TEAD1: variants seen among roughly 807,000 people sequenced by gnomAD.
TEAD1 encodes the protein TEA domain transcription factor 1.
A neutral mutation model predicts 54.9 loss-of-function variants in TEAD1; 9 were observed. The ratio of observed to expected loss-of-function variants is 0.16; its 90% CI spans 0.10 to 0.29. The LOEUF (loss-of-function observed/expected upper bound fraction) is 0.29, where lower values mean the gene tolerates loss of function less well. Ranked by LOEUF, TEAD1 falls within the 10% of genes least tolerant of loss-of-function variation. TEAD1 has a pLI of 1.00. For synonymous variants in TEAD1, 200 were observed against 187.8 expected (o/e 1.07, Z -0.53); for missense variants, 387 against 535.9 (o/e 0.72, Z 2.74).
At chr11:12,872,615 A>G (rs1174705303) in intron 5 of TEAD1, among the ~76,000 whole-genome samples, 3 of 152,246 alleles carry the variant, frequency 2.0e-5, no homozygotes, top group African/African-American at 4.8e-5. Context: ...ATATGTAGAT[A>G]AAGATAATTC....
At chr11:12,715,585 G>T (rs745779217) in intron 2 of TEAD1, among the ~76,000 whole-genome samples, 1 of 152,134 alleles carries the variant, frequency 6.6e-6, no homozygotes, top group South Asian at 2.1e-4. Context: ...TGATGCAGAC[G>T]GGGCTGCTGG....
At chr11:12,780,411 G>A (rs896012050) in intron 3 of TEAD1, among the ~76,000 whole-genome samples, 2 of 151,854 alleles carry the variant, frequency 1.3e-5, no homozygotes, top group Admixed American at 6.6e-5. Flanking sequence ...ACCCAGCTAA[G>A]TTTTGTATTT....
rs372567524 is a variant in TEAD1 at position 12,805,268 on chromosome 11, A to G, written c.202+40834A>G. Among the ~76,000 whole-genome samples, 24 of 152,324 alleles carry G rather than the reference A, an allele frequency of 1.6e-4. No homozygotes were observed. The East Asian group carries it at 3.1e-3, about 20-fold the overall frequency. The stretch of plus-strand genomic sequence containing the variant: ...AAGGAAGATGTATATCACAATGAAC[A>G]TGCCTGCTTTATATTGTTTATTTAT... On this transcript the variant is annotated intron_variant, in intron 3 of 12. Transcript: ENST00000527636.
At chr11:12,704,739 C>G (rs1413535514) in intron 2 of TEAD1, among the ~76,000 whole-genome samples, 1 of 152,204 alleles carries the variant, frequency 6.6e-6, no homozygotes. Flanking sequence ...CAGAAGCTCT[C>G]AAAGTGTGCT....
chr11:12,730,871 T>C (rs556875724), intron 2 of TEAD1, among the ~76,000 whole-genome samples: 141 of 151,732 alleles, frequency 9.3e-4, no homozygotes, highest in African/African-American at 3.2e-3. Context: ...CGGCTAATTT[T>C]AGTATTTTTT....
intron 2 of TEAD1, among the ~76,000 whole-genome samples, chr11:12,685,088 T>G (rs1019604519): frequency 2.6e-5 from 4 of 152,200 alleles, no homozygotes; most frequent in African/African-American, 9.7e-5. Context: ...TCTGGGCCAC[T>G]CCTGGTGACT....
intron 3 of TEAD1, among the ~76,000 whole-genome samples, chr11:12,807,607 A>T (rs755284317): frequency 3.3e-5 from 5 of 152,252 alleles, no homozygotes; most frequent in Non-Finnish European, 5.9e-5. Context: ...TTAACATTCA[A>T]TAAATGCAAA....
At chr11:12,827,215 C>T (rs1350358131) in intron 3 of TEAD1, among the ~76,000 whole-genome samples, 3 of 152,186 alleles carry the variant, frequency 2.0e-5, no homozygotes, top group Admixed American at 6.5e-5. Flanking sequence ...CCTGAACTTA[C>T]ATATCCTGAC....
At chr11:12,903,836 G>A (rs1948465959) in intron 10 of TEAD1, among the ~76,000 whole-genome samples, 1 of 152,162 alleles carries the variant, frequency 6.6e-6, no homozygotes, top group Admixed American at 6.5e-5. Flanking sequence ...TTGGATAGTA[G>A]ATGTAGCCTT....
At chr11:12,932,743 G>A (rs1005644864) in intron 12 of TEAD1, among the ~76,000 whole-genome samples, 12 of 152,066 alleles carry the variant, frequency 7.9e-5, no homozygotes, top group Non-Finnish European at 1.5e-4. Flanking sequence ...TAAGTGTACA[G>A]TACAAAAGTT....
chr11:12,797,687 A>G (rs909605903), intron 3 of TEAD1, among the ~76,000 whole-genome samples: 6 of 151,562 alleles, frequency 4.0e-5, no homozygotes, highest in African/African-American at 9.7e-5. Flanking sequence ...TTACTGTCCT[A>G]TCTGTGCAGA....
intron 9 of TEAD1, among the ~76,000 whole-genome samples, chr11:12,887,122 A>C (rs1423030461): frequency 1.4e-5 from 2 of 138,694 alleles, no homozygotes; most frequent in Non-Finnish European, 3.0e-5. Context: ...GGAGACACAG[A>C]GTCTTGCTCT....
At chr11:12,897,785 T>C (rs1320474288) in intron 9 of TEAD1, among the ~76,000 whole-genome samples, 2 of 152,264 alleles carry the variant, frequency 1.3e-5, no homozygotes, top group African/African-American at 4.8e-5. Context: ...ATAGAAGTTT[T>C]AAAACGCTGT....
intron 3 of TEAD1, among the ~76,000 whole-genome samples, chr11:12,808,730 G>C (rs1946229727): frequency 6.6e-6 from 1 of 152,128 alleles, no homozygotes; most frequent in Non-Finnish European, 1.5e-5. Flanking sequence ...AGGCACAGCT[G>C]CAATTTCTCT....
At chr11:12,678,141 G>C (rs528782479) in intron 2 of TEAD1, among the ~76,000 whole-genome samples, 1 of 152,166 alleles carries the variant, frequency 6.6e-6, no homozygotes, top group Admixed American at 6.5e-5. Context: ...AAAACTTTAG[G>C]GTCTGTTTTC....
chr11:12,934,408 A>G (rs11022562), intron 12 of TEAD1, among the ~76,000 whole-genome samples: 60,442 of 151,804 alleles, frequency 0.4, 12,434 homozygotes, highest in African/African-American at 0.49. Flanking sequence ...GTAGAGGGGG[A>G]AGGGATAGCA....
intron 4 of TEAD1, among the ~76,000 whole-genome samples, chr11:12,863,673 T>C (rs1947553882): frequency 1.3e-5 from 2 of 152,084 alleles, no homozygotes; most frequent in South Asian, 4.1e-4. Context: ...AACCAGTGGA[T>C]CTAATCATCT....
intron 3 of TEAD1, among the ~76,000 whole-genome samples, chr11:12,812,047 A>G (rs1946312694): frequency 6.6e-6 from 1 of 151,994 alleles, no homozygotes; most frequent in Non-Finnish European, 1.5e-5. Flanking sequence ...ACTGACACAC[A>G]CCTGCGATTG....
At chr11:12,712,837 A>G (rs1943972879) in intron 2 of TEAD1, among the ~76,000 whole-genome samples, 1 of 152,172 alleles carries the variant, frequency 6.6e-6, no homozygotes, top group Non-Finnish European at 1.5e-5. Flanking sequence ...GCCTGTGGGA[A>G]GACTTCATTA....
Sources: gnomAD v4.1 joint callset for allele counts (sites outside exome capture counted in the v4.1 genomes callset) on GRCh38, gnomAD v4.1.1 for gene constraint, MANE v1.5 for transcripts, NCBI Gene and HGNC (gene_info 2026-07-23, HGNC 2026-07-21) for gene names.